CASZ1: variants seen among roughly 807,000 people sequenced by gnomAD.
CASZ1 encodes the protein zinc finger protein castor homolog 1.
Under a neutral mutation model 135.2 loss-of-function variants are expected in CASZ1, and 28 were observed. The ratio of observed to expected loss-of-function variants is 0.21; its 90% CI spans 0.15 to 0.28. The LOEUF is 0.28. CASZ1 is among the 10% of genes least tolerant of loss of function. CASZ1 has a pLI of 1.00. For missense variants in CASZ1, 2,161 were observed against 2,453.3 expected (o/e 0.88, Z 2.52); for synonymous variants, 1,068 against 1,073.4 (o/e 0.99, Z 0.10).
chr1:10,640,035 G>A lies in CASZ1; in HGVS notation c.4187C>T (p.Ala1396Val). The change falls in exon 21 of 21, where the codon GCC becomes GTC. Residue 1396 changes from alanine to valine, a missense_variant. Coordinates refer to ENST00000377022, the MANE Select transcript of CASZ1 (RefSeq NM_001079843.3). ...AAGNTISMPT[A>V]SGAKKRFWII... ...CCAGAAGCGCTTTTTGGCCCCCGAG[G>A]CTGTCGGCATAGAGATGGTGTTCCC... The A allele has an allele frequency of 1.2e-6, 2 of 1,609,102 alleles. No homozygotes were observed. The highest frequency in any genetic ancestry group is 1.1e-5 in the South Asian group (1 of 91,062).
chr1:10,677,056 C>T (rs1262776482), intron 4 of CASZ1, among the ~76,000 whole-genome samples: 2 of 152,208 alleles, frequency 1.3e-5, no homozygotes, highest in African/African-American at 4.8e-5. Flanking sequence ...CCCCTCTTTC[C>T]TGGGCAGAGC....
chr1:10,722,287 A>G (rs1465682840), intron 2 of CASZ1, among the ~76,000 whole-genome samples: 5 of 152,230 alleles, frequency 3.3e-5, no homozygotes, highest in African/African-American at 1.2e-4. Flanking sequence ...CCAAGGGGGA[A>G]CTGGAGAGGA....
intron 4 of CASZ1, among the ~76,000 whole-genome samples, chr1:10,691,614 A>G (rs1441753059): frequency 6.6e-6 from 1 of 152,202 alleles, no homozygotes; most frequent in Non-Finnish European, 1.5e-5. Flanking sequence ...TCACTTCACC[A>G]GCCACGAGCC....
intron 1 of CASZ1, among the ~76,000 whole-genome samples, chr1:10,786,244 G>C (rs1439047924): frequency 6.6e-6 from 1 of 152,090 alleles, no homozygotes; most frequent in Non-Finnish European, 1.5e-5. Context: ...CGAGCTCCAG[G>C]AACACTTGGT....
At chr1:10,642,563 G>A (rs1004547526) in intron 20 of CASZ1, among the ~76,000 whole-genome samples, 4 of 152,024 alleles carry the variant, frequency 2.6e-5, no homozygotes, top group Admixed American at 2.0e-4. Context: ...GGCCCAGGCC[G>A]GGTGGGAGGC....
chr1:10,660,689 G>C, intron 5 of CASZ1, 153 bp from the exon 6 acceptor site: 2 of 592,026 alleles, frequency 3.4e-6, no homozygotes, highest in Non-Finnish European at 5.9e-6. Context: ...CACTTGTTAG[G>C]TTTTACGACT....
chr1:10,649,712 G>A (rs1642497634), intron 13 of CASZ1: 2 of 420,676 alleles, frequency 4.8e-6, no homozygotes, highest in Admixed American at 3.7e-5. Context: ...CCGAGGCCGC[G>A]ACTCAGGGTG....
At position 10,658,522 on chromosome 1, in the gene CASZ1, C is replaced by G. The variant is rs764860488; in HGVS notation, c.1395G>C (p.Gln465His). The change falls in exon 7 of 21, where the codon CAG (glutamine) becomes CAC (histidine). Residue 465 changes from glutamine (Q) to histidine (H), a missense_variant. By Grantham distance (24) the Gln-to-His change is conservative. Transcript: ENST00000377022. ...CAGGGGCCTACCTGGCAATATATTT[C>G]TGGTAAATGTTTACATCTTCAGTGA... Reference protein sequence around the residue: ...PAVTEDVNIYQKYIARFSGSQ... With the variant: ...PAVTEDVNIYHKYIARFSGSQ... The G allele has an allele frequency of 1.9e-6, 3 of 1,613,992 alleles. No homozygotes were observed. In the Admixed American group the frequency reaches 5.0e-5, roughly 27 times the overall value.
rs1639408116 is a variant in CASZ1 at position 10,717,070 on chromosome 1, T to A, written c.-76-11526A>T. Among the ~76,000 whole-genome samples, 2 of 152,224 alleles carry A rather than the reference T, an allele frequency of 1.3e-5. No homozygotes were observed. The highest frequency in any genetic ancestry group is 2.4e-5 in the African/African-American group (1 of 41,460). On this transcript the variant is annotated intron_variant, in intron 2 of 20. Coordinates refer to ENST00000377022, the MANE Select transcript of CASZ1 (RefSeq NM_001079843.3). This position sits in a 1 kb window ranked among gnomAD's most constrained non-coding sequence, Gnocchi z 4.6. ...CTAGAGAGACTCAGATGGGCTGGGC[T>A]GCTGGAGGGACAGGAGCAGGAGGGA...
intron 1 of CASZ1, among the ~76,000 whole-genome samples, chr1:10,795,653 G>A (rs1004000255): frequency 2.0e-5 from 3 of 152,220 alleles, no homozygotes; most frequent in African/African-American, 4.8e-5. Context: ...GCAGCTCTGG[G>A]CCGATGCCCC....
Position 10,639,110 on chromosome 1 carries a change from CTCGTCGTCGTCG to C in CASZ1, c.5100_5111del (p.Asp1700_Asp1703del). ...CGTCGTCGTCGTCCTCGTCGTCGTC[CTCGTCGTCGTCG>C]TCCTCGTCGTCGTCCTCGTCCTCGT... On this transcript the variant is annotated inframe_deletion, in exon 21 of 21. Coordinates refer to ENST00000377022, the MANE Select transcript of CASZ1 (RefSeq NM_001079843.3). The surrounding 1 kb of genome is among the most constrained non-coding windows in gnomAD (Gnocchi z 4.0). 8.7e-7 allele frequency: 1 copy of C among 1,149,690 alleles called. No homozygotes were observed. The highest frequency in any genetic ancestry group is 2.1e-5 in the South Asian group (1 of 48,512). 71.2% of individuals were successfully genotyped at this position (1,149,690 alleles called of 1,614,324 possible). A position where few individuals can be genotyped will look rare whatever the true frequency, so the allele number is the denominator to read the frequency against.
At chr1:10,793,453 A>C (rs576155160) in intron 1 of CASZ1, among the ~76,000 whole-genome samples, 1 of 152,334 alleles carries the variant, frequency 6.6e-6, no homozygotes, top group East Asian at 1.9e-4. Context: ...AAAGTCTAAA[A>C]AACAAACAAA....
At chr1:10,775,749 A>G (rs1177017271) in intron 1 of CASZ1, among the ~76,000 whole-genome samples, 2 of 152,162 alleles carry the variant, frequency 1.3e-5, no homozygotes, top group Non-Finnish European at 2.9e-5. Context: ...GCCCGATGTC[A>G]GGACAAGAAG....
chr1:10,750,040 C>A (rs1017473146), intron 2 of CASZ1, among the ~76,000 whole-genome samples: 1 of 152,150 alleles, frequency 6.6e-6, no homozygotes, highest in Non-Finnish European at 1.5e-5. Context: ...TGTGTGCAGG[C>A]AGCTTGCCTA....
intron 4 of CASZ1, among the ~76,000 whole-genome samples, chr1:10,682,933 T>A (rs947144414): frequency 6.6e-6 from 1 of 152,260 alleles, no homozygotes; most frequent in Non-Finnish European, 1.5e-5. Context: ...TTCTTGTGCC[T>A]GGCTCTCCAG....
At chr1:10,734,336 A>G (rs1468521489) in intron 2 of CASZ1, among the ~76,000 whole-genome samples, 3 of 151,744 alleles carry the variant, frequency 2.0e-5, no homozygotes, top group Non-Finnish European at 4.4e-5. Flanking sequence ...AAAAAATTCT[A>G]GGAAACAAAA....
At chr1:10,738,921 T>C (rs1252817597) in intron 2 of CASZ1, among the ~76,000 whole-genome samples, 22 of 142,442 alleles carry the variant, frequency 1.5e-4, no homozygotes, top group African/African-American at 5.9e-4. Context: ...AAGGAAGGTT[T>C]TTTTTTTTTT....
At position 10,653,576 on chromosome 1, in the gene CASZ1, C is replaced by T. The variant is rs1427875891; in HGVS notation, c.2481G>A (p.Gly827=). Residue 827 remains glycine (G), a synonymous_variant, in exon 11 of 21, where the codon GGG becomes GGA. Transcript: ENST00000377022. Reference sequence around the variant, plus strand: ...TGTCAGGGGTGGCTGAGGCTGCTGACCCAGACGACACGGCACCCAGGAGGC... The same window carrying T: ...TGTCAGGGGTGGCTGAGGCTGCTGATCCAGACGACACGGCACCCAGGAGGC... ...TPSLLGAVSS[G]SAASATPDTP... 2 of 1,568,446 alleles carry T rather than the reference C, an allele frequency of 1.3e-6. No homozygotes were observed. Among genetic ancestry groups the T allele is most frequent in the Non-Finnish European group, 1.7e-6 (2 of 1,155,306 alleles).
Position 10,790,276 on chromosome 1 carries a change from C to A in CASZ1, c.-234+6288G>T, listed in dbSNP as rs542740064. On this transcript the variant is annotated intron_variant, in intron 1 of 20. Coordinates refer to ENST00000377022, the MANE Select transcript of CASZ1 (RefSeq NM_001079843.3). ...AGCCTGCACCCTCCCAACCACGCCA[C>A]GTATCCCGGGCACAGGGACCGGCCT... Among the ~76,000 whole-genome samples, 3 of 152,358 alleles carry A rather than the reference C, an allele frequency of 2.0e-5. No homozygotes were observed. In the South Asian group the frequency reaches 6.2e-4, roughly 32 times the overall value.
Sources: gnomAD v4.1 joint callset for allele counts (sites outside exome capture counted in the v4.1 genomes callset) on GRCh38, gnomAD v4.1.1 for gene constraint, Gnocchi (gnomAD v3.1) non-coding constraint, MANE v1.5 for transcripts, NCBI Gene and HGNC (gene_info 2026-07-23, HGNC 2026-07-21) for gene names.